PHACTR1: variants seen among roughly 807,000 people sequenced by gnomAD.
PHACTR1 encodes RPEL repeat containing 1.
PHACTR1 carries 16 observed loss-of-function variants against 69.2 expected under a neutral mutation model. The ratio of observed to expected loss-of-function variants is 0.23; its 90% CI spans 0.16 to 0.35. PHACTR1 has a LOEUF of 0.35. Among genes scored for constraint, PHACTR1 ranks in the 10% least tolerant of loss-of-function variants. The pLI is 1.00. For synonymous variants in PHACTR1, 312 were observed against 284.5 expected (o/e 1.10, Z -0.97); for missense variants, 510 against 734.7 (o/e 0.69, Z 3.54).
chr6:12,801,578 A>G (rs1035668898), intron 4 of PHACTR1, among the ~76,000 whole-genome samples: 4 of 152,184 alleles, frequency 2.6e-5, no homozygotes, highest in Admixed American at 6.5e-5. Flanking sequence ...AGGGGGAGGA[A>G]TTAATTGCAG....
intron 3 of PHACTR1, among the ~76,000 whole-genome samples, chr6:12,721,453 TA>T (rs1468012629): frequency 6.6e-6 from 1 of 151,938 alleles, no homozygotes; most frequent in Non-Finnish European, 1.5e-5. Flanking sequence ...GTTAAAAAGT[TA>T]AACCTATTTC....
chr6:12,905,850 GC>G (rs1196980683), intron 4 of PHACTR1, among the ~76,000 whole-genome samples: 1 of 152,162 alleles, frequency 6.6e-6, no homozygotes. Flanking sequence ...TTCCTACGTG[GC>G]AACATCTCAT....
chr6:13,242,585 A>G (rs766956628), intron 10 of PHACTR1, among the ~76,000 whole-genome samples: 1 of 152,238 alleles, frequency 6.6e-6, no homozygotes, highest in Non-Finnish European at 1.5e-5. Flanking sequence ...CCCATGGTCT[A>G]TATCAATGAA....
intron 10 of PHACTR1, among the ~76,000 whole-genome samples, chr6:13,252,613 A>AT (rs982711093): frequency 6.2e-5 from 9 of 145,770 alleles, no homozygotes; most frequent in African/African-American, 2.4e-4. Flanking sequence ...TGCTGCTGTT[A>AT]TTAAAAAAAA....
chr6:13,161,768 A>G (rs1237636646), intron 6 of PHACTR1, among the ~76,000 whole-genome samples: 1 of 152,070 alleles, frequency 6.6e-6, no homozygotes, highest in Non-Finnish European at 1.5e-5. Context: ...TCCCCGTGGT[A>G]CTTTTGAAGT....
intron 7 of PHACTR1, among the ~76,000 whole-genome samples, chr6:13,195,776 A>AAAAAAAAAAAAAAAAAAAAAAC: frequency 7.0e-6 from 1 of 142,668 alleles, no homozygotes; most frequent in Admixed American, 6.9e-5. Context: ...AAAAAAAAAA[A>AAAAAAAAAAAAAAAAAAAAAAC]AAAAGTTCAT....
chr6:13,008,449 T>C (rs937417900), intron 4 of PHACTR1, among the ~76,000 whole-genome samples: 3 of 152,226 alleles, frequency 2.0e-5, no homozygotes, highest in African/African-American at 7.2e-5. Flanking sequence ...TAAGGAATTT[T>C]CACTAGCCAT....
chr6:12,763,351 A>T (rs1768251770), intron 4 of PHACTR1, among the ~76,000 whole-genome samples: 3 of 152,236 alleles, frequency 2.0e-5, no homozygotes, highest in African/African-American at 7.2e-5. Context: ...GTAAGCTCAA[A>T]TCAGCCTTAA....
chr6:13,273,055 C>T (rs1562103582), intron 11 of PHACTR1, 140 bp downstream of exon 11: 1 of 1,224,062 alleles, frequency 8.2e-7, no homozygotes, highest in Non-Finnish European at 1.1e-6. Context: ...TTCATGTGTG[C>T]ATGTTAGAAC....
At chr6:12,806,724 A>C (rs1774380316) in intron 4 of PHACTR1, among the ~76,000 whole-genome samples, 1 of 152,200 alleles carries the variant, frequency 6.6e-6, no homozygotes, top group African/African-American at 2.4e-5. Context: ...TTAGTGAAGC[A>C]ATAATTTTTT....
chr6:13,100,533 G>A (rs898911045), intron 5 of PHACTR1, among the ~76,000 whole-genome samples: 1 of 152,212 alleles, frequency 6.6e-6, no homozygotes, highest in East Asian at 1.9e-4. Context: ...ACTGTTGCAC[G>A]TTATATTTAT....
At chr6:13,072,580 A>C (rs1221975427) in intron 5 of PHACTR1, among the ~76,000 whole-genome samples, 1 of 152,168 alleles carries the variant, frequency 6.6e-6, no homozygotes, top group Admixed American at 6.5e-5. Flanking sequence ...ACCTTATGTC[A>C]TAGTAGAAAC....
At chr6:13,208,975 T>C (rs1159397942) in intron 8 of PHACTR1, among the ~76,000 whole-genome samples, 1 of 152,088 alleles carries the variant, frequency 6.6e-6, no homozygotes, top group Non-Finnish European at 1.5e-5. Context: ...TCCTTCTTTC[T>C]CCCTCACTTC....
At chr6:12,926,116 G>A (rs187812268) in intron 4 of PHACTR1, among the ~76,000 whole-genome samples, 187 of 151,884 alleles carry the variant, frequency 1.2e-3, no homozygotes, top group African/African-American at 4.3e-3. Flanking sequence ...ACTCCTAAAT[G>A]CTGCCTCTCA....
intron 8 of PHACTR1, among the ~76,000 whole-genome samples, chr6:13,209,612 C>A (rs781203421): frequency 6.6e-6 from 1 of 152,214 alleles, no homozygotes; most frequent in Non-Finnish European, 1.5e-5. Flanking sequence ...TGACACTGGA[C>A]CATACATTTG....
chr6:12,783,194 T>C (rs1771049462), intron 4 of PHACTR1, among the ~76,000 whole-genome samples: 2 of 152,242 alleles, frequency 1.3e-5, no homozygotes, highest in Admixed American at 1.3e-4. Flanking sequence ...TCATGTTATA[T>C]TGTCATCTCC....
At chr6:12,762,566 C>A (rs567607141) in intron 4 of PHACTR1, among the ~76,000 whole-genome samples, 1 of 151,890 alleles carries the variant, frequency 6.6e-6, no homozygotes, top group Non-Finnish European at 1.5e-5. Context: ...TAACCTATCA[C>A]GTAAGAAGTT....
intron 10 of PHACTR1, among the ~76,000 whole-genome samples, chr6:13,237,571 A>G (rs1464686825): frequency 1.3e-5 from 2 of 152,198 alleles, no homozygotes; most frequent in South Asian, 4.1e-4. Context: ...AATAGTAGGT[A>G]TGTTGTAAAT....
intron 4 of PHACTR1, among the ~76,000 whole-genome samples, chr6:12,757,878 A>G (rs1340820229): frequency 6.6e-6 from 1 of 152,128 alleles, no homozygotes; most frequent in African/African-American, 2.4e-5. Context: ...TTAGGAGGCC[A>G]AGGTGGGCGG....
Sources: allele counts gnomAD v4.1 joint callset (sites outside exome capture counted in the v4.1 genomes callset), GRCh38; gene constraint gnomAD v4.1.1; transcripts MANE v1.5; gene names NCBI Gene and HGNC (gene_info 2026-07-23, HGNC 2026-07-21).